CACNA1A: variants seen among roughly 807,000 people sequenced by gnomAD.
The protein encoded by CACNA1A is voltage-dependent P/Q-type calcium channel subunit alpha-1A.
CACNA1A carries 57 observed loss-of-function variants against 262.4 expected under a neutral mutation model. That is an observed-to-expected ratio of 0.22 (90% confidence interval 0.18 to 0.27). The LOEUF (loss-of-function observed/expected upper bound fraction) is 0.27. CACNA1A is among the 10% of genes least tolerant of loss of function. The pLI is 1.00. For synonymous variants in CACNA1A, 1,431 were observed against 1,419.3 expected, an observed-to-expected ratio of 1.01 and a Z score of -0.18; for missense variants, 2,526 against 3,562.8, an observed-to-expected ratio of 0.71 and a Z score of 7.41.
rs144467626 is a variant in CACNA1A at position 13,247,713 on chromosome 19, AAAAT to A, written c.4867-2452_4867-2449del. 7.4e-4 allele frequency among the ~76,000 whole-genome samples: 109 copies of A among 146,704 alleles called. 1 individual carries two copies. Among genetic ancestry groups the A allele is most frequent in the Middle Eastern group, 7.1e-3 (2 of 282 alleles). On this transcript the variant is annotated intron_variant, in intron 30 of 46. Coordinates refer to ENST00000360228, the MANE Select transcript of CACNA1A (RefSeq NM_001127222.2). The stretch of plus-strand genomic sequence containing the variant: ...AGACTCCGTCAAAAATAAATAAATA[AAAAT>A]AAATAAATAAATAAATAAATAAATA...
intron 32 of CACNA1A, 102 bp from the exon 33 acceptor site, chr19:13,235,376 T>C (rs2055839703): frequency 2.6e-6 from 3 of 1,149,930 alleles, no homozygotes; most frequent in Non-Finnish European, 3.8e-6. Context: ...TGGGTGGCCA[T>C]ATGCCACGTG....
intron 36 of CACNA1A, 142 bp downstream of exon 36, chr19:13,229,940 C>T (rs2055601787): frequency 3.2e-6 from 3 of 923,830 alleles, no homozygotes; most frequent in Non-Finnish European, 4.8e-6. Flanking sequence ...ATTCTTATAT[C>T]TTCTCTCCTG....
At chr19:13,430,162 A>C (rs1007115753) in intron 3 of CACNA1A, among the ~76,000 whole-genome samples, 2 of 151,940 alleles carry the variant, frequency 1.3e-5, no homozygotes, top group African/African-American at 2.4e-5. Context: ...TAAACACTTA[A>C]AAAATGGTAC....
intron 3 of CACNA1A, among the ~76,000 whole-genome samples, chr19:13,445,899 C>CTG (rs2060801246): frequency 1.3e-5 from 2 of 152,172 alleles, no homozygotes; most frequent in African/African-American, 2.4e-5. Context: ...AAGGTAAACA[C>CTG]CGTGGTGGTC....
At chr19:13,406,397 G>A (rs1472357269) in intron 3 of CACNA1A, among the ~76,000 whole-genome samples, 1 of 146,720 alleles carries the variant, frequency 6.8e-6, no homozygotes, top group Non-Finnish European at 1.5e-5. Flanking sequence ...GGAGGTTGCA[G>A]TGAGCCAAGA....
At chr19:13,297,160 C>G (rs1241425696) in intron 19 of CACNA1A, among the ~76,000 whole-genome samples, 1 of 152,192 alleles carries the variant, frequency 6.6e-6, no homozygotes, top group East Asian at 1.9e-4. Context: ...TTACCTCATT[C>G]AATCCTGGCA....
chr19:13,334,095 T>A, intron 8 of CACNA1A: 1 of 379,038 alleles, frequency 2.6e-6, no homozygotes, highest in Non-Finnish European at 4.8e-6. Flanking sequence ...GAAACGGAGG[T>A]ACAGGGATGT....
chr19:13,303,018 G>A (rs916666468), intron 17 of CACNA1A, among the ~76,000 whole-genome samples: 1 of 152,144 alleles, frequency 6.6e-6, no homozygotes, highest in Non-Finnish European at 1.5e-5. Flanking sequence ...ACGGAGGCTA[G>A]CTCTTAACAT....
intron 10 of CACNA1A, among the ~76,000 whole-genome samples, chr19:13,324,940 T>G (rs2058325147): frequency 6.6e-6 from 1 of 152,224 alleles, no homozygotes; most frequent in African/African-American, 2.4e-5. Context: ...CAATGGCAGC[T>G]TCCATTCATA....
chr19:13,242,523 T>G (rs972973184), intron 31 of CACNA1A, among the ~76,000 whole-genome samples: 17 of 152,126 alleles, frequency 1.1e-4, no homozygotes, highest in Non-Finnish European at 1.3e-4. Flanking sequence ...CTCGAACTCC[T>G]GACCTCAAGT....
Position 13,240,138 on chromosome 19 carries a change from G to A in CACNA1A, c.4951-4408C>T, listed in dbSNP as rs564258569. On this transcript the variant is annotated intron_variant, in intron 31 of 46. Coordinates refer to ENST00000360228, the MANE Select transcript of CACNA1A (RefSeq NM_001127222.2). The stretch of plus-strand genomic sequence containing the variant: ...TGCACGCCAGCCTGGGTGACAGAGC[G>A]AGACTCTGTCTAAAAAAAAAAAAAA... Among the ~76,000 whole-genome samples, 7 of 139,994 alleles carry A rather than the reference G, an allele frequency of 5.0e-5. No homozygotes were observed. In the East Asian group the frequency reaches 6.7e-4, roughly 13 times the overall value. The allele number at this position is 139,994 out of a possible 152,430, so 91.8% of individuals were successfully genotyped here.
At chr19:13,296,969 G>C (rs911970572) in intron 19 of CACNA1A, among the ~76,000 whole-genome samples, 1 of 151,876 alleles carries the variant, frequency 6.6e-6, no homozygotes, top group Non-Finnish European at 1.5e-5. Flanking sequence ...CTATTGCCCA[G>C]ACTGGTCTCC....
In CACNA1A at chr19:13,286,621, G is replaced by A. The variant is rs781300443; in HGVS notation, c.3435C>T (p.Ile1145=). ...TCTGGGTGCCGCTGGGGTTGGTGAC[G>A]ATAAGGCTATTCTCGGGGGTCTTGG... The part of the protein sequence containing the change: ...GPPKTPENSL[I]VTNPSGTQTN... Residue 1145 remains isoleucine, a synonymous_variant, in exon 20 of 47, where the codon ATC becomes ATT. Transcript: ENST00000360228. 3.9e-6 allele frequency: 6 copies of A among 1,534,612 alleles called. No individual in the cohort carries two copies. Among genetic ancestry groups the A allele is most frequent in the East Asian group, 4.6e-5 (2 of 43,866 alleles).
chr19:13,317,426 T>C, intron 10 of CACNA1A, 105 bp from the exon 11 acceptor site: 1 of 915,598 alleles, frequency 1.1e-6, no homozygotes, highest in Non-Finnish European at 1.7e-6. Flanking sequence ...TCCATTAGTC[T>C]CTCCAGCAAG....
chr19:13,415,046 G>T (rs1025399344), intron 3 of CACNA1A, among the ~76,000 whole-genome samples: 5 of 152,106 alleles, frequency 3.3e-5, no homozygotes, highest in Non-Finnish European at 5.9e-5. Flanking sequence ...CTCATTGGGG[G>T]ACTTTCCCAA....
intron 3 of CACNA1A, among the ~76,000 whole-genome samples, chr19:13,447,678 T>A (rs2060840744): frequency 6.6e-6 from 1 of 152,222 alleles, no homozygotes; most frequent in Admixed American, 6.5e-5. Context: ...GCCTTCAGTC[T>A]GTGGCCAAAG....
At chr19:13,358,383 C>T (rs1014002438) in intron 6 of CACNA1A, among the ~76,000 whole-genome samples, 7 of 152,184 alleles carry the variant, frequency 4.6e-5, no homozygotes, top group African/African-American at 1.2e-4. Flanking sequence ...CTGGGCAACA[C>T]GGAAGAACCC....
chr19:13,474,165 G>A (rs1464250126), intron 1 of CACNA1A, among the ~76,000 whole-genome samples: 1 of 152,214 alleles, frequency 6.6e-6, no homozygotes, highest in Non-Finnish European at 1.5e-5. Context: ...ACAACACCCA[G>A]CGCAGACAGA....
intron 6 of CACNA1A, among the ~76,000 whole-genome samples, chr19:13,353,622 C>A (rs1479041347): frequency 2.6e-5 from 4 of 152,158 alleles, no homozygotes. Flanking sequence ...GGATGCATAT[C>A]CTGATATAAA....
Sources: gnomAD v4.1 joint callset for allele counts (sites outside exome capture counted in the v4.1 genomes callset) on GRCh38, gnomAD v4.1.1 for gene constraint, MANE v1.5 for transcripts, NCBI Gene and HGNC (gene_info 2026-07-23, HGNC 2026-07-21) for gene names.